MYO5B: variants seen among roughly 807,000 people sequenced by gnomAD.
The protein encoded by MYO5B is unconventional myosin-Vb.
A neutral mutation model predicts 229.3 loss-of-function variants in MYO5B; 143 were observed. The ratio of observed to expected loss-of-function variants is 0.62; its 90% CI spans 0.54 to 0.72. MYO5B has a LOEUF of 0.72. Ranked by LOEUF, MYO5B falls within the 30% of genes least tolerant of loss-of-function variation. MYO5B has a pLI of 0.00. For missense variants in MYO5B, 2,321 were observed against 2,331.0 expected, an observed-to-expected ratio of 1.00 and a Z score of 0.09; for synonymous variants, 918 against 885.2, an observed-to-expected ratio of 1.04 and a Z score of -0.66.
intron 1 of MYO5B, 44 bp from the exon 2 acceptor site, chr18:50,055,422 C>A: frequency 6.6e-7 from 1 of 1,522,322 alleles, no homozygotes; most frequent in Non-Finnish European, 9.1e-7. Flanking sequence ...GAACAAAGCT[C>A]TCAGATTTCT....
chr18:50,180,121 T>A (rs2033051845), intron 1 of MYO5B, among the ~76,000 whole-genome samples: 2 of 152,104 alleles, frequency 1.3e-5, no homozygotes, highest in Non-Finnish European at 2.9e-5. Flanking sequence ...AGGTTCCCCA[T>A]CAATGCTGGT....
At chr18:50,187,995 T>C (rs1019347782) in intron 1 of MYO5B, among the ~76,000 whole-genome samples, 12 of 152,176 alleles carry the variant, frequency 7.9e-5, no homozygotes, top group Non-Finnish European at 1.6e-4. Flanking sequence ...ATAGACCAGT[T>C]AGTAGTATTA....
chr18:49,893,797 C>T (rs770275488), intron 22 of MYO5B, among the ~76,000 whole-genome samples: 1 of 152,224 alleles, frequency 6.6e-6, no homozygotes, highest in Non-Finnish European at 1.5e-5. Flanking sequence ...GCACTGTAGG[C>T]TCTATAACCT....
At chr18:49,891,767 C>T (rs939009744) in intron 22 of MYO5B, among the ~76,000 whole-genome samples, 1 of 152,242 alleles carries the variant, frequency 6.6e-6, no homozygotes, top group African/African-American at 2.4e-5. Context: ...GATCTCTCTA[C>T]CTCTATTTGG....
chr18:49,852,604 A>G (rs969769189), intron 31 of MYO5B, among the ~76,000 whole-genome samples: 1 of 152,136 alleles, frequency 6.6e-6, no homozygotes, highest in Non-Finnish European at 1.5e-5. Flanking sequence ...CTACGGGCAC[A>G]TGAACGTGCT....
chr18:50,017,594 T>C (rs1391055840), intron 4 of MYO5B, among the ~76,000 whole-genome samples: 7 of 152,256 alleles, frequency 4.6e-5, no homozygotes, highest in African/African-American at 1.7e-4. Flanking sequence ...CGAATAACGC[T>C]ACTATAAATA....
At chr18:49,921,750 T>C (rs1178221246) in intron 17 of MYO5B, among the ~76,000 whole-genome samples, 1 of 152,186 alleles carries the variant, frequency 6.6e-6, no homozygotes, top group African/African-American at 2.4e-5. Context: ...GTAGGCTGGA[T>C]GCAGGAACTC....
At chr18:49,850,984 C>T (rs756509981) in intron 31 of MYO5B, 4 of 152,326 alleles carry the variant, frequency 2.6e-5, no homozygotes, top group Non-Finnish European at 5.9e-5. Context: ...GGTACTATGA[C>T]CACCATCAGT....
chr18:50,105,580 G>C (rs1001111133), intron 1 of MYO5B, among the ~76,000 whole-genome samples: 2 of 152,110 alleles, frequency 1.3e-5, no homozygotes, highest in African/African-American at 4.8e-5. Context: ...GGACAGGTCA[G>C]TGGTTGCCAG....
At chr18:50,178,092 G>C (rs994916866) in intron 1 of MYO5B, among the ~76,000 whole-genome samples, 11 of 152,206 alleles carry the variant, frequency 7.2e-5, no homozygotes, top group African/African-American at 2.7e-4. Flanking sequence ...TCGAATACTT[G>C]TGTCTGTTAT....
intron 1 of MYO5B, among the ~76,000 whole-genome samples, chr18:50,087,889 C>T (rs1366207757): frequency 6.6e-6 from 1 of 152,096 alleles, no homozygotes; most frequent in Admixed American, 6.5e-5. Flanking sequence ...CGGGGAAGCA[C>T]AGTAACTAAC....
intron 30 of MYO5B, among the ~76,000 whole-genome samples, chr18:49,855,813 AACAGT>A (rs1479073850): frequency 1.3e-5 from 2 of 152,230 alleles, no homozygotes; most frequent in Non-Finnish European, 2.9e-5. Flanking sequence ...CTCTTGGTGC[AACAGT>A]ACCTCTACTA....
chr18:50,167,642 C>G (rs1012427828), intron 1 of MYO5B, among the ~76,000 whole-genome samples: 1 of 152,188 alleles, frequency 6.6e-6, no homozygotes, highest in Non-Finnish European at 1.5e-5. Flanking sequence ...TAACCCAAAC[C>G]CTGCTGGCTG....
intron 33 of MYO5B, among the ~76,000 whole-genome samples, chr18:49,844,077 G>A (rs1255520225): frequency 3.3e-5 from 5 of 152,114 alleles, no homozygotes; most frequent in Non-Finnish European, 7.3e-5. Flanking sequence ...CCACACTCCT[G>A]TCCCTGCCTG....
At chr18:50,194,710 G>C in intron 1 of MYO5B, 57 bp downstream of exon 1, 1 of 1,275,010 alleles carries the variant, frequency 7.8e-7, no homozygotes, top group Non-Finnish European at 1.1e-6. Flanking sequence ...CTGAGTACTA[G>C]GTGGCCCCGA....
intron 1 of MYO5B, among the ~76,000 whole-genome samples, chr18:50,125,429 G>A (rs1197660446): frequency 6.6e-6 from 1 of 151,420 alleles, no homozygotes; most frequent in Non-Finnish European, 1.5e-5. Context: ...TAAATGACGA[G>A]TTAATGGGTG....
chr18:50,079,685 G>C (rs890031040), intron 1 of MYO5B, among the ~76,000 whole-genome samples: 1 of 152,226 alleles, frequency 6.6e-6, no homozygotes, highest in Non-Finnish European at 1.5e-5. Context: ...AGAAGCCCAG[G>C]TCTCAAGGGA....
At chr18:50,149,845 A>G (rs1020852678) in intron 1 of MYO5B, among the ~76,000 whole-genome samples, 27 of 151,882 alleles carry the variant, frequency 1.8e-4, no homozygotes, top group Non-Finnish European at 3.7e-4. Context: ...ATCTAATTCA[A>G]CTAAAGTGCT....
chr18:49,980,811 C>G (rs2025806464), intron 8 of MYO5B, among the ~76,000 whole-genome samples: 1 of 147,568 alleles, frequency 6.8e-6, no homozygotes, highest in African/African-American at 2.5e-5. Context: ...GTCAAGCTGC[C>G]ATTTTAACTT....
Sources: allele counts gnomAD v4.1 joint callset (sites outside exome capture counted in the v4.1 genomes callset), GRCh38; gene constraint gnomAD v4.1.1; transcripts MANE v1.5; gene names NCBI Gene and HGNC (gene_info 2026-07-23, HGNC 2026-07-21).